The following NCKAP5 variants were observed in gnomAD, a reference collection of about 807,000 sequenced individuals.
NCKAP5 encodes nck-associated protein 5.
In NCKAP5, 92 loss-of-function variants were observed where a neutral mutation model predicts 167.0. The ratio of observed to expected loss-of-function variants is 0.55; its 90% CI spans 0.47 to 0.66. The LOEUF (loss-of-function observed/expected upper bound fraction) is 0.66, where lower values mean the gene tolerates loss of function less well. Ranked by LOEUF, NCKAP5 falls within the 30% of genes least tolerant of loss-of-function variation. The probability of loss-of-function intolerance (pLI) is 0.00; values close to 1 mark genes in which losing one functional copy is unlikely to be tolerated. For synonymous variants in NCKAP5, 891 were observed against 877.4 expected, an observed-to-expected ratio of 1.02 and a Z score of -0.27; for missense variants, 2,378 against 2,315.0, an observed-to-expected ratio of 1.03 and a Z score of -0.56.
the NCKAP5 span, among the ~76,000 whole-genome samples, chr2:133,597,403 C>T: frequency 0.014 from 2,160 of 152,314 alleles, 29 homozygotes; most frequent in Non-Finnish European, 0.024. Context: ...GGCGCAGTGG[C>T]TCATGCCTGT....
At chr2:133,392,472 G>T (rs1330076111) in intron 3 of NCKAP5, among the ~76,000 whole-genome samples, 4 of 152,092 alleles carry the variant, frequency 2.6e-5, no homozygotes, top group African/African-American at 4.8e-5. Flanking sequence ...TGTAGTATAC[G>T]ACTTTAAAAA....
At chr2:133,282,020 C>T (rs1177126547) in intron 4 of NCKAP5, among the ~76,000 whole-genome samples, 2 of 152,152 alleles carry the variant, frequency 1.3e-5, no homozygotes, top group Non-Finnish European at 2.9e-5. Flanking sequence ...GCAATTCTAT[C>T]ACGTGCCTAT....
intron 2 of NCKAP5, among the ~76,000 whole-genome samples, chr2:133,525,212 T>C (rs1172227451): frequency 6.6e-6 from 1 of 152,212 alleles, no homozygotes; most frequent in Non-Finnish European, 1.5e-5. Context: ...TGGCTGGAAA[T>C]AGTCTCAGAG....
chr2:133,669,598 T>C, the NCKAP5 span, among the ~76,000 whole-genome samples: 1 of 152,294 alleles, frequency 6.6e-6, no homozygotes, highest in East Asian at 1.9e-4. Flanking sequence ...TATCAAAAAG[T>C]CACTACTATT....
chr2:133,303,586 A>C (rs1436635558), intron 3 of NCKAP5, among the ~76,000 whole-genome samples: 1 of 152,140 alleles, frequency 6.6e-6, no homozygotes, highest in Non-Finnish European at 1.5e-5. Flanking sequence ...GTATACACTA[A>C]TGGACATGTC....
Position 133,540,063 on chromosome 2 carries a change from C to T in NCKAP5, c.-62+18987G>A, listed in dbSNP as rs370070882. Among the ~76,000 whole-genome samples the T allele has an allele frequency of 2.6e-5, 4 of 152,132 alleles. No individual in the cohort carries two copies. In the East Asian group the frequency reaches 7.7e-4, roughly 29 times the overall value. On this transcript the variant is annotated intron_variant, in intron 2 of 19. Transcript: ENST00000409261. ...GGCGTGGTAGCACGTCCCTGACAGT[C>T]CCAGCTACTCAGGAGGCTGCGGTAG...
At chr2:133,673,049 T>C in the NCKAP5 span, among the ~76,000 whole-genome samples, 6 of 152,196 alleles carry the variant, frequency 3.9e-5, no homozygotes, top group Non-Finnish European at 7.3e-5. Flanking sequence ...TTTTGTCTCT[T>C]ACCTGCATCC....
chr2:133,440,351 G>T (rs933952753), intron 3 of NCKAP5, among the ~76,000 whole-genome samples: 1 of 152,100 alleles, frequency 6.6e-6, no homozygotes, highest in Non-Finnish European at 1.5e-5. Flanking sequence ...TTTGTGCAGG[G>T]ACTGGTATGC....
At chr2:132,777,597 G>T (rs1417436860) in intron 15 of NCKAP5, among the ~76,000 whole-genome samples, 2 of 152,128 alleles carry the variant, frequency 1.3e-5, no homozygotes, top group African/African-American at 4.8e-5. Context: ...AAAGTTCCTG[G>T]AAAGCATAAC....
rs553239480 is a variant in NCKAP5 at position 132,966,060 on chromosome 2, G to T, written c.430-2191C>A. 3.9e-5 allele frequency among the ~76,000 whole-genome samples: 6 copies of T among 152,180 alleles called. No homozygotes were observed. In the South Asian group the frequency reaches 1.0e-3, roughly 26 times the overall value. ...TTGGAATGTGACAGCCAGATTTCAG[G>T]TCTAACATTTATTTAGCAGTTTGGC... On this transcript the variant is annotated intron_variant, in intron 7 of 19. Transcript: ENST00000409261.
rs530917330 is a variant in NCKAP5, at chr2:133,377,885, G to A, written c.70-74775C>T. Among the ~76,000 whole-genome samples the A allele has an allele frequency of 2.0e-5, 3 of 152,232 alleles. No homozygotes were observed. In the South Asian group the frequency reaches 6.2e-4, roughly 32 times the overall value. ...AACTGGCCTTGGATTCATGAGACCA[G>A]GAAAACCCCTGATCCACACAGGGAG... On this transcript the variant is annotated intron_variant, in intron 3 of 19. Transcript: ENST00000409261.
At chr2:132,794,761 T>A (rs1487410827) in intron 12 of NCKAP5, among the ~76,000 whole-genome samples, 1 of 152,084 alleles carries the variant, frequency 6.6e-6, no homozygotes, top group African/African-American at 2.4e-5. Context: ...TTACACTTCC[T>A]GATATCCTAT....
chr2:133,648,615 A>G, the NCKAP5 span, among the ~76,000 whole-genome samples: 1 of 152,112 alleles, frequency 6.6e-6, no homozygotes. Context: ...TTAAAAATTC[A>G]TAATATGTAG....
the NCKAP5 span, among the ~76,000 whole-genome samples, chr2:133,590,710 C>T: frequency 0.33 from 50,516 of 151,912 alleles, 9,945 homozygotes; most frequent in Middle Eastern, 0.53. Flanking sequence ...TAAATACCAT[C>T]GCCTAGGACT....
intron 6 of NCKAP5, among the ~76,000 whole-genome samples, chr2:133,011,849 G>T (rs1396372556): frequency 6.6e-6 from 1 of 152,130 alleles, no homozygotes; most frequent in Non-Finnish European, 1.5e-5. Context: ...ACTCTTCAGG[G>T]GAATTCAATA....
intron 3 of NCKAP5, among the ~76,000 whole-genome samples, chr2:133,324,724 T>TG (rs1421910092): frequency 2.6e-5 from 4 of 152,312 alleles, no homozygotes; most frequent in African/African-American, 9.6e-5. Context: ...GCTTTTTTTT[T>TG]TCTTTTCTTT....
At chr2:133,456,075 T>C (rs1041673707) in intron 3 of NCKAP5, among the ~76,000 whole-genome samples, 16 of 152,318 alleles carry the variant, frequency 1.1e-4, no homozygotes, top group Admixed American at 2.6e-4. Context: ...TTATGAGCAA[T>C]GATATTATCA....
intron 3 of NCKAP5, among the ~76,000 whole-genome samples, chr2:133,304,290 C>T (rs555749468): frequency 3.9e-5 from 6 of 152,256 alleles, no homozygotes; most frequent in East Asian, 1.9e-4. Context: ...TCTACCCATG[C>T]GGCCTTGAAA....
chr2:133,627,541 G>A, the NCKAP5 span, among the ~76,000 whole-genome samples: 2 of 152,154 alleles, frequency 1.3e-5, no homozygotes, highest in East Asian at 1.9e-4. Flanking sequence ...TGGGGAGATC[G>A]AGGCAGGTGG....
Sources: allele counts gnomAD v4.1 joint callset (sites outside exome capture counted in the v4.1 genomes callset), GRCh38; gene constraint gnomAD v4.1.1; transcripts MANE v1.5; gene names NCBI Gene and HGNC (gene_info 2026-07-23, HGNC 2026-07-21).